The following FRMD4A variants were observed in gnomAD, a reference collection of about 807,000 sequenced individuals.
FRMD4A encodes FERM domain-containing protein 4A.
FRMD4A carries 29 observed loss-of-function variants against 129.1 expected under a neutral mutation model. The observed-to-expected ratio is 0.22, with a 90% CI of 0.17 to 0.31. The LOEUF (loss-of-function observed/expected upper bound fraction) is 0.31, where lower values mean the gene tolerates loss of function less well. FRMD4A is among the 10% of genes least tolerant of loss of function. FRMD4A has a pLI of 1.00. For missense variants in FRMD4A, 1,272 were observed against 1,375.8 expected (o/e 0.92, Z 1.19); for synonymous variants, 634 against 571.6 (o/e 1.11, Z -1.56).
chr10:13,708,684 C>G (rs1158010714), intron 12 of FRMD4A, among the ~76,000 whole-genome samples: 3 of 152,360 alleles, frequency 2.0e-5, no homozygotes, highest in Non-Finnish European at 1.5e-5. Context: ...TCAACAGCGC[C>G]TTAGCGGAGT....
chr10:14,186,487 G>T (rs1244477326), intron 2 of FRMD4A, among the ~76,000 whole-genome samples: 1 of 152,146 alleles, frequency 6.6e-6, no homozygotes, highest in African/African-American at 2.4e-5. Flanking sequence ...ACAGATCTGA[G>T]CTGGACTCCT....
intron 2 of FRMD4A, among the ~76,000 whole-genome samples, chr10:14,252,872 T>C (rs930365129): frequency 2.0e-5 from 3 of 152,378 alleles, no homozygotes; most frequent in Middle Eastern, 3.4e-3. Flanking sequence ...TCATTCATTC[T>C]ATATTTATCT....
chr10:14,317,349 G>T (rs1846778469), intron 2 of FRMD4A, among the ~76,000 whole-genome samples: 1 of 152,106 alleles, frequency 6.6e-6, no homozygotes, highest in Non-Finnish European at 1.5e-5. Context: ...CATGTATGCT[G>T]TTCCCTGTAC....
chr10:13,977,311 C>A (rs777250688), intron 2 of FRMD4A, among the ~76,000 whole-genome samples: 5 of 145,076 alleles, frequency 3.4e-5, no homozygotes, highest in Non-Finnish European at 7.4e-5. Context: ...TCCTGCCTTC[C>A]AACACAAGAC....
At chr10:14,189,732 A>G (rs376055888) in intron 2 of FRMD4A, among the ~76,000 whole-genome samples, 2 of 152,230 alleles carry the variant, frequency 1.3e-5, no homozygotes, top group Non-Finnish European at 2.9e-5. Context: ...TGTTAGTGTC[A>G]TCACTTAGGA....
At chr10:14,279,243 G>C (rs868578711) in intron 2 of FRMD4A, among the ~76,000 whole-genome samples, 8 of 144,350 alleles carry the variant, frequency 5.5e-5, no homozygotes, top group Middle Eastern at 3.8e-3. Flanking sequence ...GGCTGGAGTA[G>C]AGTGGCGCCA....
At chr10:14,000,667 A>AAAAAAAAAAGAG (rs200369296) in intron 2 of FRMD4A, among the ~76,000 whole-genome samples, 1 of 106,826 alleles carries the variant, frequency 9.4e-6, no homozygotes, top group East Asian at 3.1e-4. Flanking sequence ...AAAAAAAAAA[A>AAAAAAAAAAGAG]AGAGAAGAAA....
intron 4 of FRMD4A, among the ~76,000 whole-genome samples, chr10:13,808,938 G>C (rs894570709): frequency 6.6e-6 from 1 of 152,206 alleles, no homozygotes; most frequent in African/African-American, 2.4e-5. Flanking sequence ...CACTACTAGA[G>C]GGGGCAAGAC....
At position 13,724,650 on chromosome 10, in the gene FRMD4A, T is replaced by C. The variant is rs556411418; in HGVS notation, c.759+13194A>G. Among the ~76,000 whole-genome samples, 13 of 152,252 alleles carry C rather than the reference T, an allele frequency of 8.5e-5. No individual in the cohort carries two copies. In the East Asian group the frequency reaches 2.5e-3, roughly 29 times the overall value. ...CCTGAGTAATGGGAATCTGCATCTG[T>C]AGAGTTATTTAGAAGCCAGCCAGTC... On this transcript the variant is annotated intron_variant, in intron 12 of 24. Transcript: ENST00000357447.
chr10:13,749,984 A>G (rs1383092112), intron 8 of FRMD4A, among the ~76,000 whole-genome samples: 1 of 150,740 alleles, frequency 6.6e-6, no homozygotes, highest in East Asian at 1.9e-4. Context: ...GGAAAGAGAA[A>G]GAAAGAGACA....
chr10:13,841,057 G>A (rs190294130), intron 3 of FRMD4A, among the ~76,000 whole-genome samples: 34 of 152,268 alleles, frequency 2.2e-4, no homozygotes, highest in Middle Eastern at 3.4e-3. Flanking sequence ...GCAGTGAGCC[G>A]TGATCATGCC....
intron 2 of FRMD4A, among the ~76,000 whole-genome samples, chr10:14,165,922 T>C (rs1841151009): frequency 6.6e-6 from 1 of 152,100 alleles, no homozygotes; most frequent in Non-Finnish European, 1.5e-5. Flanking sequence ...ACTATTTGAT[T>C]GACAGGATCA....
chr10:14,211,022 C>T (rs1286624958), intron 2 of FRMD4A, among the ~76,000 whole-genome samples: 2 of 152,088 alleles, frequency 1.3e-5, no homozygotes, highest in African/African-American at 4.8e-5. Flanking sequence ...CCACCGTGCT[C>T]AGCCAGATAT....
chr10:13,823,783 C>G (rs1379438592), intron 3 of FRMD4A, among the ~76,000 whole-genome samples: 1 of 152,164 alleles, frequency 6.6e-6, no homozygotes, highest in Non-Finnish European at 1.5e-5. Context: ...ACACCAGGAC[C>G]AACTCAAACT....
chr10:14,071,417 A>G (rs1009805401), intron 2 of FRMD4A, among the ~76,000 whole-genome samples: 6 of 152,208 alleles, frequency 3.9e-5, no homozygotes, highest in South Asian at 2.1e-4. Context: ...CCGTATGCCC[A>G]TGTTATAGAG....
intron 2 of FRMD4A, among the ~76,000 whole-genome samples, chr10:14,185,488 T>C (rs1170559957): frequency 3.3e-5 from 5 of 152,204 alleles, no homozygotes; most frequent in African/African-American, 9.6e-5. Context: ...CATTTTGTAA[T>C]TTTTCTAACT....
At chr10:14,167,648 G>C (rs890496782) in intron 2 of FRMD4A, among the ~76,000 whole-genome samples, 4 of 151,780 alleles carry the variant, frequency 2.6e-5, no homozygotes, top group Admixed American at 1.3e-4. Context: ...TGGGGGCTTA[G>C]AGTGTGAGGG....
intron 2 of FRMD4A, among the ~76,000 whole-genome samples, chr10:14,026,591 T>C (rs1285861800): frequency 6.6e-6 from 1 of 152,208 alleles, no homozygotes; most frequent in Non-Finnish European, 1.5e-5. Flanking sequence ...TAGCCAAGAA[T>C]GCACAGAAAA....
At chr10:13,656,014 TTATAGAAATTTTCAGA>T (rs963331011) in intron 22 of FRMD4A, 2 of 152,198 alleles carry the variant, frequency 1.3e-5, no homozygotes, top group Non-Finnish European at 2.9e-5. Flanking sequence ...AAGGTAAACT[TTATAGAAATTTTCAGA>T]TATAACGTCA....
Sources: allele counts gnomAD v4.1 joint callset (sites outside exome capture counted in the v4.1 genomes callset), GRCh38; gene constraint gnomAD v4.1.1; transcripts MANE v1.5; gene names NCBI Gene and HGNC (gene_info 2026-07-23, HGNC 2026-07-21).